Variants in EFNA5 observed in about 807,000 individuals in gnomAD.
The protein encoded by EFNA5 is ephrin A5.
Under a neutral mutation model 22.9 loss-of-function variants are expected in EFNA5, and 5 were observed. That is an observed-to-expected ratio of 0.22 (90% CI 0.11 to 0.46). The LOEUF is 0.46. EFNA5 is among the 20% of genes least tolerant of loss of function. The pLI is 0.99. For missense variants in EFNA5, 237 were observed against 293.3 expected (o/e 0.81, Z 1.40); for synonymous variants, 113 against 112.2 (o/e 1.01, Z -0.04).
At chr5:107,586,784 G>A (rs1411063725) in intron 1 of EFNA5, among the ~76,000 whole-genome samples, 2 of 152,096 alleles carry the variant, frequency 1.3e-5, no homozygotes, top group Non-Finnish European at 2.9e-5. Context: ...TTCAAAATGG[G>A]TTATTTTAAG....
At chr5:107,546,651 A>AACACACACACACAC (rs767896375) in intron 1 of EFNA5, among the ~76,000 whole-genome samples, 6 of 121,300 alleles carry the variant, frequency 4.9e-5, no homozygotes, top group African/African-American at 1.9e-4. Flanking sequence ...TGGTGCGTAA[A>AACACACACACACAC]ACACACACAC....
intron 1 of EFNA5, among the ~76,000 whole-genome samples, chr5:107,659,698 A>G (rs1750905247): frequency 6.6e-6 from 1 of 151,948 alleles, no homozygotes; most frequent in Non-Finnish European, 1.5e-5. Flanking sequence ...AATAATTTGC[A>G]AAAGACGTAA....
chr5:107,463,165 T>C (rs922263463), intron 1 of EFNA5, among the ~76,000 whole-genome samples: 6 of 152,126 alleles, frequency 3.9e-5, no homozygotes, highest in African/African-American at 1.4e-4. Context: ...ACCACAACCA[T>C]TCTCCAAAGA....
chr5:107,549,394 G>A (rs2112467246), intron 1 of EFNA5, among the ~76,000 whole-genome samples: 1 of 152,266 alleles, frequency 6.6e-6, no homozygotes, highest in South Asian at 2.1e-4. Context: ...AGATAAGCAA[G>A]GCAAGAACTA....
At chr5:107,591,652 C>G (rs1218455920) in intron 1 of EFNA5, among the ~76,000 whole-genome samples, 1 of 149,280 alleles carries the variant, frequency 6.7e-6, no homozygotes, top group Non-Finnish European at 1.5e-5. Context: ...GAAACCTGGT[C>G]TCTACTAAAA....
At position 107,387,354 on chromosome 5, in the gene EFNA5, G is replaced by A. The variant is rs781675547; in HGVS notation, c.485-39C>T. ...AGAGATAACAGCCAAATATGTTAGT[G>A]AAGACACCCTTAAACTCCCATTTCT... On this transcript the variant is annotated intron_variant, in intron 3 of 4. Transcript: ENST00000333274. The A allele has an allele frequency of 7.4e-6, 10 of 1,358,342 alleles. No homozygotes were observed. In the East Asian group the frequency reaches 2.1e-4, roughly 29 times the overall value. The allele number at this position is 1,358,342 out of a possible 1,614,324, so 84.1% of individuals were successfully genotyped here.
chr5:107,620,727 G>A (rs1193540362), intron 1 of EFNA5, among the ~76,000 whole-genome samples: 1 of 152,118 alleles, frequency 6.6e-6, no homozygotes, highest in Non-Finnish European at 1.5e-5. Flanking sequence ...ATAGGATGGG[G>A]TAAAATAGAG....
chr5:107,550,940 A>G (rs1452758664), intron 1 of EFNA5, among the ~76,000 whole-genome samples: 1 of 152,240 alleles, frequency 6.6e-6, no homozygotes, highest in East Asian at 1.9e-4. Context: ...TAGTATACAA[A>G]TATCACATTA....
intron 1 of EFNA5, among the ~76,000 whole-genome samples, chr5:107,474,508 G>A (rs889179281): frequency 4.6e-5 from 7 of 151,990 alleles, no homozygotes; most frequent in African/African-American, 1.7e-4. Context: ...CCCTTGTTGA[G>A]TTTTCCTCCA....
At chr5:107,647,146 A>G (rs1489638579) in intron 1 of EFNA5, among the ~76,000 whole-genome samples, 2 of 152,164 alleles carry the variant, frequency 1.3e-5, no homozygotes, top group Admixed American at 6.6e-5. Context: ...AAAATGCAGT[A>G]TATGTATGTA....
At chr5:107,611,884 C>T (rs547440761) in intron 1 of EFNA5, among the ~76,000 whole-genome samples, 7 of 152,266 alleles carry the variant, frequency 4.6e-5, no homozygotes, top group Middle Eastern at 6.8e-3. Context: ...AAGGAAAAAA[C>T]GAATATGTAA....
chr5:107,535,889 A>G (rs1388977629), intron 1 of EFNA5, among the ~76,000 whole-genome samples: 1 of 152,202 alleles, frequency 6.6e-6, no homozygotes, highest in Admixed American at 6.5e-5. Context: ...ATAAATAGCC[A>G]GAATTCCTCA....
At chr5:107,488,233 C>T (rs1746699417) in intron 1 of EFNA5, among the ~76,000 whole-genome samples, 1 of 152,224 alleles carries the variant, frequency 6.6e-6, no homozygotes, top group Non-Finnish European at 1.5e-5. Context: ...TATCCCCCAT[C>T]TTGCGGCTTA....
chr5:107,479,690 A>C (rs778727451), intron 1 of EFNA5, among the ~76,000 whole-genome samples: 2 of 152,158 alleles, frequency 1.3e-5, no homozygotes, highest in African/African-American at 2.4e-5. Flanking sequence ...ATTAAAACAA[A>C]AGAATAATAT....
intron 1 of EFNA5, among the ~76,000 whole-genome samples, chr5:107,492,798 A>C (rs1171125352): frequency 6.6e-6 from 1 of 152,168 alleles, no homozygotes; most frequent in East Asian, 1.9e-4. Flanking sequence ...CAGGAGTTTG[A>C]GACCAGCTTG....
chr5:107,496,626 G>T (rs938676320), intron 1 of EFNA5, among the ~76,000 whole-genome samples: 1 of 152,202 alleles, frequency 6.6e-6, no homozygotes, highest in African/African-American at 2.4e-5. Flanking sequence ...CCTTTTGTGG[G>T]AAAATGTTGC....
At chr5:107,647,652 A>G (rs979805503) in intron 1 of EFNA5, among the ~76,000 whole-genome samples, 1 of 152,200 alleles carries the variant, frequency 6.6e-6, no homozygotes, top group African/African-American at 2.4e-5. Flanking sequence ...TGTCCAACAA[A>G]TTACTAAATG....
chr5:107,481,452 G>A (rs1030557656), intron 1 of EFNA5, among the ~76,000 whole-genome samples: 2 of 152,210 alleles, frequency 1.3e-5, no homozygotes, highest in African/African-American at 4.8e-5. Context: ...ATAGTTCTCT[G>A]AGAATACAGA....
chr5:107,488,360 A>G (rs964526902), intron 1 of EFNA5, among the ~76,000 whole-genome samples: 1 of 152,168 alleles, frequency 6.6e-6, no homozygotes, highest in Non-Finnish European at 1.5e-5. Context: ...TATTTAGATT[A>G]TTGTCTGTTT....
Sources: allele counts gnomAD v4.1 joint callset (sites outside exome capture counted in the v4.1 genomes callset), GRCh38; gene constraint gnomAD v4.1.1; transcripts MANE v1.5; gene names NCBI Gene and HGNC (gene_info 2026-07-23, HGNC 2026-07-21).